The following PDE4D variants were observed in gnomAD, a reference collection of about 807,000 sequenced individuals.
PDE4D encodes 3',5'-cyclic-AMP phosphodiesterase 4D.
In PDE4D, 24 loss-of-function variants were observed where a neutral mutation model predicts 87.4. The ratio of observed to expected loss-of-function variants is 0.27; its 90% confidence interval spans 0.20 to 0.39. The LOEUF (loss-of-function observed/expected upper bound fraction) is 0.39. Among genes scored for constraint, PDE4D ranks in the 10% least tolerant of loss-of-function variants. The pLI, the probability that PDE4D is intolerant of heterozygous loss-of-function variation, is 1.00. For synonymous variants in PDE4D, 384 were observed against 383.2 expected (o/e 1.00, Z -0.02); for missense variants, 714 against 1,041.0 (o/e 0.69, Z 4.32).
intron 1 of PDE4D, among the ~76,000 whole-genome samples, chr5:60,340,538 A>G (rs1758217458): frequency 6.6e-6 from 1 of 151,638 alleles, no homozygotes; most frequent in Non-Finnish European, 1.5e-5. Flanking sequence ...CTTTCCTGAC[A>G]AAGTTGTTGA....
At chr5:59,130,053 T>G (rs1776054805) in intron 5 of PDE4D, among the ~76,000 whole-genome samples, 1 of 152,150 alleles carries the variant, frequency 6.6e-6, no homozygotes, top group Non-Finnish European at 1.5e-5. Context: ...ACATATAGTA[T>G]TTCCCCCCTT....
At chr5:59,459,864 G>A (rs1800493029) in intron 1 of PDE4D, among the ~76,000 whole-genome samples, 1 of 152,116 alleles carries the variant, frequency 6.6e-6, no homozygotes, top group African/African-American at 2.4e-5. Context: ...ATTTTACATG[G>A]CATCCCCTAG....
At chr5:59,110,084 T>C in intron 5 of PDE4D, among the ~76,000 whole-genome samples, 1 of 152,326 alleles carries the variant, frequency 6.6e-6, no homozygotes, top group African/African-American at 2.4e-5. Flanking sequence ...AATCTGTCTA[T>C]TCTAAATCCA....
rs528800229 is a variant in PDE4D, at chr5:59,926,039, T to G, written c.272+62449A>C. Among the ~76,000 whole-genome samples the G allele has an allele frequency of 2.0e-5, 3 of 152,228 alleles. No homozygotes were observed. In the East Asian group the frequency reaches 5.8e-4, roughly 29 times the overall value. On this transcript the variant is annotated intron_variant, in intron 3 of 16. Coordinates refer to the PDE4D transcript ENST00000502484. ...GGAACTAATAGATATTTACAGAAGATTTCATCAATGGCTGCAGAATACATA... is the reference window on the plus strand; with the variant it reads ...GGAACTAATAGATATTTACAGAAGAGTTCATCAATGGCTGCAGAATACATA...
At chr5:59,249,949 T>A (rs567869845) in intron 1 of PDE4D, among the ~76,000 whole-genome samples, 14 of 152,090 alleles carry the variant, frequency 9.2e-5, no homozygotes, top group African/African-American at 3.1e-4. Flanking sequence ...CTGAACACAA[T>A]CCTCCCACCT....
At chr5:59,618,333 G>C (rs1171760498) in intron 1 of PDE4D, among the ~76,000 whole-genome samples, 1 of 152,136 alleles carries the variant, frequency 6.6e-6, no homozygotes, top group Non-Finnish European at 1.5e-5. Flanking sequence ...TGAGCCAAGA[G>C]GAAGAGGGTG....
At chr5:59,395,023 C>T (rs928801721) in intron 1 of PDE4D, among the ~76,000 whole-genome samples, 20 of 152,144 alleles carry the variant, frequency 1.3e-4, no homozygotes, top group African/African-American at 4.6e-4. Context: ...GCTTTTCCGA[C>T]GGGCTTAAAA....
chr5:59,827,075 C>T (rs1323212575), intron 1 of PDE4D, among the ~76,000 whole-genome samples: 1 of 152,004 alleles, frequency 6.6e-6, no homozygotes, highest in Non-Finnish European at 1.5e-5. Flanking sequence ...AATTATCTGA[C>T]TTGAACTTTG....
chr5:59,024,070 T>A (rs1331296670), intron 6 of PDE4D, among the ~76,000 whole-genome samples: 1 of 148,904 alleles, frequency 6.7e-6, no homozygotes, highest in Non-Finnish European at 1.5e-5. Context: ...CCTGGCTAAT[T>A]TTTGTATTTT....
chr5:59,275,402 T>C, intron 1 of PDE4D: 1 of 1,596,646 alleles, frequency 6.3e-7, no homozygotes, highest in Non-Finnish European at 8.5e-7. Flanking sequence ...ATAATGCTCA[T>C]TTTGAAAAAA....
At chr5:59,320,826 CTTCT>C (rs1401313716) in intron 1 of PDE4D, among the ~76,000 whole-genome samples, 13 of 151,868 alleles carry the variant, frequency 8.6e-5, no homozygotes, top group African/African-American at 2.7e-4. Flanking sequence ...TCTTTTCTTC[CTTCT>C]TTCCTTCTCA....
At chr5:60,198,123 G>C (rs934718657) in intron 1 of PDE4D, among the ~76,000 whole-genome samples, 1 of 148,924 alleles carries the variant, frequency 6.7e-6, no homozygotes, top group South Asian at 2.1e-4. Flanking sequence ...ACAAAATCAA[G>C]ATCTAGTACA....
At chr5:59,207,048 G>A (rs1293896497) in intron 2 of PDE4D, among the ~76,000 whole-genome samples, 1 of 152,068 alleles carries the variant, frequency 6.6e-6, no homozygotes, top group East Asian at 1.9e-4. Context: ...AGCCGGGTGT[G>A]GTAGCATACC....
At chr5:59,722,105 G>T (rs1755916725) in intron 1 of PDE4D, among the ~76,000 whole-genome samples, 1 of 152,102 alleles carries the variant, frequency 6.6e-6, no homozygotes, top group South Asian at 2.1e-4. Context: ...CAATTAAAAA[G>T]GTTTGAATAT....
At chr5:60,141,990 C>A (rs2149421286) in intron 2 of PDE4D, among the ~76,000 whole-genome samples, 1 of 152,192 alleles carries the variant, frequency 6.6e-6, no homozygotes, top group African/African-American at 2.4e-5. Flanking sequence ...TGGTCTATAT[C>A]TCCTCTCCTA....
intron 1 of PDE4D, among the ~76,000 whole-genome samples, chr5:60,257,172 G>A (rs1457242061): frequency 6.8e-6 from 1 of 147,636 alleles, no homozygotes; most frequent in Non-Finnish European, 1.5e-5. Flanking sequence ...AGTTATTATA[G>A]AGTCAAAGAA....
chr5:59,925,032 G>A (rs1029479826), intron 3 of PDE4D, among the ~76,000 whole-genome samples: 1 of 151,842 alleles, frequency 6.6e-6, no homozygotes, highest in African/African-American at 2.4e-5. Context: ...AAAATTAGCT[G>A]GGTGTGGTGG....
chr5:59,428,647 G>A (rs1479452951), intron 1 of PDE4D, among the ~76,000 whole-genome samples: 1 of 152,110 alleles, frequency 6.6e-6, no homozygotes, highest in Non-Finnish European at 1.5e-5. Context: ...TTCAAAAGAA[G>A]TTGAGGTTTT....
At chr5:60,165,633 C>T (rs1016481864) in intron 2 of PDE4D, among the ~76,000 whole-genome samples, 2 of 151,098 alleles carry the variant, frequency 1.3e-5, no homozygotes, top group Non-Finnish European at 3.0e-5. Context: ...TTATTTGAAT[C>T]CATGAACATG....
Sources: allele counts gnomAD v4.1 joint callset (sites outside exome capture counted in the v4.1 genomes callset), GRCh38; gene constraint gnomAD v4.1.1; transcripts MANE v1.5; gene names NCBI Gene and HGNC (gene_info 2026-07-23, HGNC 2026-07-21).